Variants in FAM117B observed in about 807,000 individuals in gnomAD.
FAM117B encodes the protein protein FAM117B.
In FAM117B, 22 loss-of-function variants were observed where a neutral mutation model predicts 52.8. The ratio of observed to expected loss-of-function variants is 0.42; its 90% confidence interval spans 0.30 to 0.59. The LOEUF (loss-of-function observed/expected upper bound fraction) is 0.59, where lower values mean the gene tolerates loss of function less well. Ranked by LOEUF, FAM117B falls within the 20% of genes least tolerant of loss-of-function variation. The probability of loss-of-function intolerance (pLI) is 0.22; values close to 1 mark genes in which losing one functional copy is unlikely to be tolerated. For missense variants in FAM117B, 678 were observed against 802.6 expected, an observed-to-expected ratio of 0.84 and a Z score of 1.88; for synonymous variants, 309 against 324.1, an observed-to-expected ratio of 0.95 and a Z score of 0.50.
chr2:202,653,699 CATA>C (rs1391664385), intron 1 of FAM117B, among the ~76,000 whole-genome samples: 1 of 152,154 alleles, frequency 6.6e-6, no homozygotes, highest in Non-Finnish European at 1.5e-5. Context: ...TAGAAATCCT[CATA>C]ATGTGTTCAT....
intron 1 of FAM117B, among the ~76,000 whole-genome samples, chr2:202,657,357 G>A (rs1690069926): frequency 1.3e-5 from 2 of 152,212 alleles, no homozygotes; most frequent in Non-Finnish European, 2.9e-5. Flanking sequence ...CAAAGTGCTG[G>A]GATTACAGGG....
chr2:202,741,416 C>CA lies in FAM117B; in HGVS notation c.961-14092dup, dbSNP rs1156278814. Among the ~76,000 whole-genome samples the CA allele has an allele frequency of 4.3e-3, 151 of 34,960 alleles. 29 individuals carry two copies. The highest frequency in any genetic ancestry group is 8.6e-3 in the South Asian group (4 of 466). 22.9% of individuals were successfully genotyped at this position (34,960 alleles called of 152,430 possible). On this transcript the variant is annotated intron_variant, in intron 4 of 7. Coordinates refer to ENST00000392238, the MANE Select transcript of FAM117B (RefSeq NM_173511.4). ...CTGGTGACAGAGCAAGACTCTGTCT[C>CA]AAAAAAAAAAAAAAAAAAAAAAAAA...
In FAM117B at chr2:202,689,215, T is replaced by C. The variant is rs370188762; in HGVS notation, c.602-6666T>C. Among the ~76,000 whole-genome samples the C allele has an allele frequency of 3.3e-5, 5 of 151,952 alleles. No individual in the cohort carries two copies. In the South Asian group the frequency reaches 6.2e-4, roughly 19 times the overall value. The stretch of plus-strand genomic sequence containing the variant: ...CAGCACTTTGGGAGCTTGAGGTGGG[T>C]GGATCGCTTGAGCTCAGGAGTTGGA... On this transcript the variant is annotated intron_variant, in intron 1 of 7. Transcript: ENST00000392238.
chr2:202,727,656 A>C (rs1691267070), intron 4 of FAM117B, among the ~76,000 whole-genome samples: 1 of 152,184 alleles, frequency 6.6e-6, no homozygotes, highest in Non-Finnish European at 1.5e-5. Flanking sequence ...ATCATAATGC[A>C]CTTACCATGC....
rs181521539 is a variant in FAM117B, at chr2:202,683,570, A to G, written c.602-12311A>G. Among the ~76,000 whole-genome samples the G allele has an allele frequency of 1.2e-4, 18 of 152,350 alleles. No individual in the cohort carries two copies. In the East Asian group the frequency reaches 3.5e-3, roughly 29 times the overall value. On this transcript the variant is annotated intron_variant, in intron 1 of 7. Transcript: ENST00000392238. ...ATGCCAATAAATTCAACAAGATGAAATGGACAAATTCCTTAAAAGAGACAA... is the reference window on the plus strand; with the variant it reads ...ATGCCAATAAATTCAACAAGATGAAGTGGACAAATTCCTTAAAAGAGACAA...
intron 2 of FAM117B, among the ~76,000 whole-genome samples, chr2:202,718,259 TG>T (rs1279286707): frequency 2.6e-5 from 4 of 152,226 alleles, no homozygotes; most frequent in African/African-American, 9.6e-5. Flanking sequence ...CCCAACAGTC[TG>T]CTTGGTGCTC....
At chr2:202,667,110 C>CT (rs1452353827) in intron 1 of FAM117B, among the ~76,000 whole-genome samples, 2 of 150,822 alleles carry the variant, frequency 1.3e-5, no homozygotes, top group Non-Finnish European at 1.5e-5. Context: ...GTAAATTTTT[C>CT]TTTTTTTTGA....
At chr2:202,657,786 T>C (rs1427825884) in intron 1 of FAM117B, among the ~76,000 whole-genome samples, 1 of 152,214 alleles carries the variant, frequency 6.6e-6, no homozygotes, top group African/African-American at 2.4e-5. Flanking sequence ...ACCTGGCCCC[T>C]TCTGCTTTTT....
intron 2 of FAM117B, among the ~76,000 whole-genome samples, chr2:202,697,749 C>G (rs1340994904): frequency 6.6e-6 from 1 of 151,920 alleles, no homozygotes; most frequent in South Asian, 2.1e-4. Context: ...GGGGTTTTAC[C>G]ATGTTGGCCA....
chr2:202,681,035 A>G (rs1305241082), intron 1 of FAM117B, among the ~76,000 whole-genome samples: 3 of 152,230 alleles, frequency 2.0e-5, no homozygotes, highest in African/African-American at 7.2e-5. Flanking sequence ...ATGAATGACA[A>G]TAGTAGCACA....
chr2:202,765,261 T>C (rs940113997), intron 7 of FAM117B, among the ~76,000 whole-genome samples, 185 bp from the exon 8 acceptor site: 4 of 152,118 alleles, frequency 2.6e-5, no homozygotes, highest in Non-Finnish European at 5.9e-5. Context: ...TTGAATCATA[T>C]GTCAGATAGC....
chr2:202,768,769 T>G lies in FAM117B; in HGVS notation c.*3005T>G, dbSNP rs1692025184. On this transcript the variant is annotated 3_prime_UTR_variant, in exon 8 of 8. Coordinates refer to ENST00000392238, the MANE Select transcript of FAM117B (RefSeq NM_173511.4). Reference sequence around the variant, plus strand: ...AAATAGAATAGCTTCAATGGGAATATAATTTAAATTTTTTTAATTTTATAA... The same window carrying G: ...AAATAGAATAGCTTCAATGGGAATAGAATTTAAATTTTTTTAATTTTATAA... 6.6e-6 allele frequency: 1 copy of G among 152,446 alleles called. No individual in the cohort carries two copies. The highest frequency in any genetic ancestry group is 2.4e-5 in the African/African-American group (1 of 41,454). 9.4% of individuals were successfully genotyped at this position (152,446 alleles called of 1,614,324 possible). A position where few individuals can be genotyped will look rare whatever the true frequency, so the allele number is the denominator to read the frequency against.
chr2:202,757,836 G>A (rs7585482), intron 6 of FAM117B, among the ~76,000 whole-genome samples: 2 of 152,150 alleles, frequency 1.3e-5, no homozygotes, highest in Admixed American at 6.6e-5. Context: ...TTTAGGATCT[G>A]TACTTGTGAC....
At chr2:202,745,915 A>C (rs1443745551) in intron 4 of FAM117B, among the ~76,000 whole-genome samples, 1 of 152,238 alleles carries the variant, frequency 6.6e-6, no homozygotes, top group Non-Finnish European at 1.5e-5. Flanking sequence ...GTAAATATAT[A>C]TGCACCTTAC....
chr2:202,667,301 A>C (rs1340991380), intron 1 of FAM117B, among the ~76,000 whole-genome samples: 1 of 151,110 alleles, frequency 6.6e-6, no homozygotes, highest in Non-Finnish European at 1.5e-5. Context: ...GGGTTTCACC[A>C]TGTTGGCTAG....
In FAM117B at chr2:202,745,279, C is replaced by CA. The variant is rs199723740; in HGVS notation, c.961-10245dup. 7.5e-3 allele frequency among the ~76,000 whole-genome samples: 861 copies of CA among 115,512 alleles called. 2 individuals are homozygous for CA. Among genetic ancestry groups the CA allele is most frequent in the South Asian group, 0.013 (47 of 3,508 alleles). 75.8% of individuals were successfully genotyped at this position (115,512 alleles called of 152,430 possible). A position where few individuals can be genotyped will look rare whatever the true frequency, so the allele number is the denominator to read the frequency against. Reference sequence around the variant, plus strand: ...TGAGTGACAGAGTGAGACTCTGTGTCAAAAAAAAAAAAAAGGCAAAATAAG... The same window carrying CA: ...TGAGTGACAGAGTGAGACTCTGTGTCAAAAAAAAAAAAAAAGGCAAAATAAG... On this transcript the variant is annotated intron_variant, in intron 4 of 7. Coordinates refer to ENST00000392238, the MANE Select transcript of FAM117B (RefSeq NM_173511.4).
chr2:202,657,317 A>G (rs1195631030), intron 1 of FAM117B, among the ~76,000 whole-genome samples: 3 of 152,152 alleles, frequency 2.0e-5, no homozygotes, highest in East Asian at 3.9e-4. Context: ...CCAACTCCTG[A>G]CCTCAGGTGA....
At chr2:202,705,650 G>T (rs545244160) in intron 2 of FAM117B, among the ~76,000 whole-genome samples, 1 of 152,144 alleles carries the variant, frequency 6.6e-6, no homozygotes, top group African/African-American at 2.4e-5. Flanking sequence ...ACCAACCTCT[G>T]CCCCCACACT....
chr2:202,646,170 G>C (rs1440395087), intron 1 of FAM117B, among the ~76,000 whole-genome samples: 1 of 150,844 alleles, frequency 6.6e-6, no homozygotes, highest in Non-Finnish European at 1.5e-5. Context: ...GCGACTACAG[G>C]GGCACACCAC....
Sources: gnomAD v4.1 joint callset for allele counts (sites outside exome capture counted in the v4.1 genomes callset) on GRCh38, gnomAD v4.1.1 for gene constraint, MANE v1.5 for transcripts, NCBI Gene and HGNC (gene_info 2026-07-23, HGNC 2026-07-21) for gene names.